PEPD: variants seen among roughly 807,000 people sequenced by gnomAD.
PEPD encodes peptidase D, also known as xaa-Pro dipeptidase.
A neutral mutation model predicts 60.7 loss-of-function variants in PEPD; 53 were observed. The observed-to-expected ratio is 0.87, with a 90% CI of 0.70 to 1.10. PEPD has a LOEUF of 1.10. PEPD is among the 50% of genes least tolerant of loss of function. The probability of loss-of-function intolerance (pLI) is 0.00; values close to 1 mark genes in which losing one functional copy is unlikely to be tolerated. For synonymous variants in PEPD, 267 were observed against 284.1 expected, an observed-to-expected ratio of 0.94 and a Z score of 0.60; for missense variants, 711 against 711.9, an observed-to-expected ratio of 1.00 and a Z score of 0.01.
At chr19:33,390,660 G>C (rs2145326080) in intron 13 of PEPD, among the ~76,000 whole-genome samples, 1 of 152,312 alleles carries the variant, frequency 6.6e-6, no homozygotes, top group Non-Finnish European at 1.5e-5. Flanking sequence ...GCCTCCCCAA[G>C]CCTCACTTAC....
At chr19:33,501,532 T>A (rs1160664747) in intron 3 of PEPD, among the ~76,000 whole-genome samples, 1 of 151,736 alleles carries the variant, frequency 6.6e-6, no homozygotes. Context: ...TACAAAAAAT[T>A]AGGGCGCGGT....
intron 9 of PEPD, among the ~76,000 whole-genome samples, chr19:33,436,194 A>G (rs1969372470): frequency 6.6e-6 from 1 of 150,874 alleles, no homozygotes; most frequent in African/African-American, 2.4e-5. Context: ...GGAAGAGGAG[A>G]AGGAAGAGGA....
At chr19:33,494,627 G>A (rs895861678) in intron 4 of PEPD, among the ~76,000 whole-genome samples, 6 of 152,172 alleles carry the variant, frequency 3.9e-5, no homozygotes, top group African/African-American at 7.2e-5. Flanking sequence ...AGTCACTACC[G>A]CTGGGGACAG....
intron 7 of PEPD, among the ~76,000 whole-genome samples, chr19:33,473,583 C>T (rs1016926969): frequency 2.0e-5 from 3 of 152,216 alleles, no homozygotes; most frequent in Non-Finnish European, 4.4e-5. Context: ...ATTGCTGACA[C>T]GCCTGCTCTC....
intron 6 of PEPD, among the ~76,000 whole-genome samples, chr19:33,480,571 T>C (rs1970294859): frequency 1.3e-5 from 2 of 151,878 alleles, no homozygotes; most frequent in African/African-American, 4.8e-5. Context: ...CCAAGGCGGG[T>C]GGATCACGAG....
At position 33,521,505 on chromosome 19, in the gene PEPD, G is replaced by A. The variant is rs373417260; in HGVS notation, c.17+239C>T. 2.5e-4 allele frequency among the ~76,000 whole-genome samples: 38 copies of A among 152,344 alleles called. No homozygotes were observed. In the East Asian group the frequency reaches 6.0e-3, roughly 24 times the overall value. Reference sequence around the variant, plus strand: ...GCAGCCGCACACGGTGGGGCCGCCAGACGCGGGCAGGTGGGGCCGGAGCCA... The same window carrying A: ...GCAGCCGCACACGGTGGGGCCGCCAAACGCGGGCAGGTGGGGCCGGAGCCA... On this transcript the variant is annotated intron_variant, in intron 1 of 14. Transcript: ENST00000244137.
intron 11 of PEPD, among the ~76,000 whole-genome samples, chr19:33,406,904 G>T (rs1007400999): frequency 4.6e-5 from 7 of 152,134 alleles, no homozygotes; most frequent in African/African-American, 1.7e-4. Context: ...GCTGGGACAG[G>T]TCTCTCCTCC....
At chr19:33,484,745 T>C (rs1970367342) in intron 6 of PEPD, among the ~76,000 whole-genome samples, 1 of 151,918 alleles carries the variant, frequency 6.6e-6, no homozygotes, top group African/African-American at 2.4e-5. Context: ...CACAGATCAA[T>C]GTGTATACAC....
At chr19:33,434,410 G>A (rs1464300539) in intron 9 of PEPD, among the ~76,000 whole-genome samples, 1 of 152,116 alleles carries the variant, frequency 6.6e-6, no homozygotes, top group Non-Finnish European at 1.5e-5. Flanking sequence ...TAGCATCTCT[G>A]TTTTCTGCTT....
intron 3 of PEPD, among the ~76,000 whole-genome samples, chr19:33,508,533 A>G (rs2145349251): frequency 6.6e-6 from 1 of 152,334 alleles, no homozygotes; most frequent in African/African-American, 2.4e-5. Context: ...AGGACAGCAA[A>G]GCTCTGCTCC....
intron 8 of PEPD, 122 bp from the exon 9 acceptor site, chr19:33,463,163 T>C: frequency 1.3e-6 from 1 of 770,644 alleles, no homozygotes; most frequent in South Asian, 1.4e-5. Flanking sequence ...AAGAATGATA[T>C]GTGCATGCAG....
intron 7 of PEPD, among the ~76,000 whole-genome samples, chr19:33,469,919 G>A (rs2145284186): frequency 6.6e-6 from 1 of 151,274 alleles, no homozygotes; most frequent in South Asian, 2.1e-4. Context: ...CTCGCAGAAG[G>A]CGTGGTTCCC....
At chr19:33,490,094 G>GTATGGCGCCCC in intron 5 of PEPD, 37 bp from the exon 6 acceptor site, 1 of 1,487,814 alleles carries the variant, frequency 6.7e-7, no homozygotes, top group Non-Finnish European at 9.3e-7. Flanking sequence ...ACACGGGGCC[G>GTATGGCGCCCC]CATGGCGCCC....
At chr19:33,389,496 C>T (rs1968162163) in intron 13 of PEPD, among the ~76,000 whole-genome samples, 1 of 135,870 alleles carries the variant, frequency 7.4e-6, no homozygotes, top group Admixed American at 6.9e-5. Flanking sequence ...CTGTGCTGGG[C>T]TCCCCCACCC....
intron 7 of PEPD, among the ~76,000 whole-genome samples, chr19:33,472,533 A>G (rs1970139484): frequency 6.6e-6 from 1 of 152,154 alleles, no homozygotes; most frequent in African/African-American, 2.4e-5. Flanking sequence ...CTCCTGCTAC[A>G]GACCAAAAAT....
intron 9 of PEPD, among the ~76,000 whole-genome samples, chr19:33,440,514 C>T (rs1258306685): frequency 1.3e-5 from 2 of 152,106 alleles, no homozygotes; most frequent in African/African-American, 4.8e-5. Context: ...CTCTCTGGCC[C>T]CACCTCCCAC....
intron 1 of PEPD, among the ~76,000 whole-genome samples, chr19:33,515,625 G>A (rs558512669): frequency 6.6e-6 from 1 of 151,672 alleles, no homozygotes; most frequent in South Asian, 2.1e-4. Context: ...GGCAAAACTC[G>A]TCTCTGCAGA....
At chr19:33,427,459 G>A (rs1969174938) in intron 9 of PEPD, among the ~76,000 whole-genome samples, 1 of 152,164 alleles carries the variant, frequency 6.6e-6, no homozygotes, top group African/African-American at 2.4e-5. Flanking sequence ...AGGATGGGAG[G>A]GGCGATTTAA....
chr19:33,388,377 G>T, intron 13 of PEPD: 1 of 586,996 alleles, frequency 1.7e-6, no homozygotes, highest in Non-Finnish European at 3.1e-6. Flanking sequence ...AGACAGGCCT[G>T]TGGGGCTGGC....
Sources: allele counts gnomAD v4.1 joint callset (sites outside exome capture counted in the v4.1 genomes callset), GRCh38; gene constraint gnomAD v4.1.1; transcripts MANE v1.5; gene names NCBI Gene and HGNC (gene_info 2026-07-23, HGNC 2026-07-21).